Variants in CSMD2 observed in about 807,000 individuals in gnomAD.
CSMD2 encodes CUB and Sushi multiple domains 2.
In CSMD2, 130 loss-of-function variants were observed where a neutral mutation model predicts 398.5. The observed-to-expected ratio is 0.33, with a 90% confidence interval of 0.28 to 0.38. The LOEUF (loss-of-function observed/expected upper bound fraction) is 0.38, where lower values mean the gene tolerates loss of function less well. Ranked by LOEUF, CSMD2 falls within the 10% of genes least tolerant of loss-of-function variation. The probability of loss-of-function intolerance (pLI) is 1.00; values close to 1 mark genes in which losing one functional copy is unlikely to be tolerated. For missense variants in CSMD2, 3,829 were observed against 4,764.9 expected (o/e 0.80, Z 5.78); for synonymous variants, 1,828 against 1,908.5 (o/e 0.96, Z 1.10).
chr1:33,744,038 T>C (rs1378457087), intron 13 of CSMD2, among the ~76,000 whole-genome samples: 1 of 152,200 alleles, frequency 6.6e-6, no homozygotes, highest in Admixed American at 6.5e-5. Context: ...GTGGTTAACA[T>C]CTCTCCTTTG....
At chr1:34,113,871 C>A (rs1661342684) in intron 1 of CSMD2, among the ~76,000 whole-genome samples, 1 of 152,202 alleles carries the variant, frequency 6.6e-6, no homozygotes, top group African/African-American at 2.4e-5. Context: ...TTCAGTGAGA[C>A]TGAAGGAAAA....
chr1:33,703,839 G>A (rs566372009), intron 22 of CSMD2, among the ~76,000 whole-genome samples: 1 of 152,202 alleles, frequency 6.6e-6, no homozygotes, highest in South Asian at 2.1e-4. Flanking sequence ...GCTGATACTT[G>A]GTATTTTAGG....
intron 5 of CSMD2, among the ~76,000 whole-genome samples, chr1:33,917,541 G>T (rs1302824475): frequency 1.3e-5 from 2 of 152,174 alleles, no homozygotes; most frequent in Admixed American, 1.3e-4. Flanking sequence ...GACTCTCCAT[G>T]AAGCACACTA....
Position 33,820,517 on chromosome 1 carries a change from G to A in CSMD2, c.1151C>T (p.Pro384Leu), listed in dbSNP as rs1253134492. 11 of 1,587,498 alleles carry A rather than the reference G, an allele frequency of 6.9e-6. No individual in the cohort carries two copies. The highest frequency in any genetic ancestry group is 1.4e-5 in the African/African-American group (1 of 72,698). ...VGVSQGHNMC[P>L]DPGIPERGKR... ...GCCCCTTTCGGGTATGCCAGGGTCTGGACACATATTATGTCCTTGGGACAC... is the reference window on the plus strand; with the variant it reads ...GCCCCTTTCGGGTATGCCAGGGTCTAGACACATATTATGTCCTTGGGACAC... Residue 384 changes from proline to leucine, a missense_variant, in exon 8 of 71, where the codon CCA becomes CTA. Physicochemically the swap from Pro to Leu is moderately conservative, Grantham distance 98. This residue lies in a region of CSMD2 where 2,001 missense variants were observed against 2,567.1 expected (regional missense o/e 0.78). Coordinates refer to ENST00000373381, the MANE Select transcript of CSMD2 (RefSeq NM_001281956.2).
At chr1:34,020,130 G>A (rs1190981564) in intron 3 of CSMD2, among the ~76,000 whole-genome samples, 4 of 152,204 alleles carry the variant, frequency 2.6e-5, no homozygotes, top group Admixed American at 6.5e-5. Context: ...GTTATATACA[G>A]TGTGGTCAGA....
intron 2 of CSMD2, among the ~76,000 whole-genome samples, chr1:34,081,092 T>C (rs1032429599): frequency 2.0e-5 from 3 of 152,166 alleles, no homozygotes; most frequent in East Asian, 3.9e-4. Context: ...CTCAATAAAA[T>C]GGGTGATTTT....
Position 33,792,663 on chromosome 1 carries a change from A to G in CSMD2, c.1447-137T>C, listed in dbSNP as rs1048724108. The G allele has an allele frequency of 6.1e-6, 4 of 652,254 alleles. No homozygotes were observed. In the Admixed American group the frequency reaches 9.0e-5, roughly 15 times the overall value. The allele number at this position is 652,254 out of a possible 1,614,324, so 40.4% of individuals were successfully genotyped here. ...TGACACCATCCTAAACAAACTGACC[A>G]TTTCTGTCCCACTTTAATGAGTGTG... On this transcript the variant is annotated intron_variant, in intron 10 of 70. Transcript: ENST00000373381.
At position 34,165,009 on chromosome 1, in the gene CSMD2, G is replaced by C; in HGVS notation, c.89C>G (p.Pro30Arg). The C allele has an allele frequency of 3.3e-6, 4 of 1,208,390 alleles. No individual in the cohort carries two copies. The highest frequency in any genetic ancestry group is 4.1e-6 in the Non-Finnish European group (4 of 973,188). The allele number at this position is 1,208,390 out of a possible 1,614,324, so 74.9% of individuals were successfully genotyped here. The change falls in exon 1 of 71, where the codon CCG becomes CGG. Residue 30 changes from proline (P) to arginine (R), a missense_variant. Transcript: ENST00000373381. ...RGETGISALV[P>R]GAGSRWGRPP... ...GCGGCCCCAGCGGCTCCCGGCGCCCGGCACAAGCGCCGAAATCCCGGTTTC... is the reference window on the plus strand; with the variant it reads ...GCGGCCCCAGCGGCTCCCGGCGCCCCGCACAAGCGCCGAAATCCCGGTTTC...
At chr1:33,520,022 C>A in intron 68 of CSMD2, 72 bp from the exon 69 acceptor site, 1 of 1,558,112 alleles carries the variant, frequency 6.4e-7, no homozygotes, top group South Asian at 1.2e-5. Flanking sequence ...CCCTCCCCGA[C>A]TATACACTCT....
At chr1:34,093,855 T>C (rs1444523286) in intron 1 of CSMD2, among the ~76,000 whole-genome samples, 3 of 152,044 alleles carry the variant, frequency 2.0e-5, no homozygotes, top group South Asian at 2.1e-4. Context: ...TCCCGGAGAA[T>C]TTCCCCAATC....
chr1:34,024,733 C>CCTGCTGTT (rs1166836720), intron 3 of CSMD2, among the ~76,000 whole-genome samples: 1 of 152,184 alleles, frequency 6.6e-6, no homozygotes, highest in Non-Finnish European at 1.5e-5. Flanking sequence ...AGGGCATTGG[C>CCTGCTGTT]CTGCTGTTCT....
intron 28 of CSMD2, 120 bp from the exon 29 acceptor site, chr1:33,646,955 A>G: frequency 1.1e-6 from 1 of 935,232 alleles, no homozygotes; most frequent in African/African-American, 1.7e-5. Flanking sequence ...TCCCACTGGT[A>G]CCCAACCCCT....
At chr1:33,583,171 G>T (rs975630550) in intron 47 of CSMD2, among the ~76,000 whole-genome samples, 1 of 152,222 alleles carries the variant, frequency 6.6e-6, no homozygotes, top group Non-Finnish European at 1.5e-5. Flanking sequence ...GCTCCAGAGG[G>T]TAAGAGGTAA....
At chr1:33,756,336 T>C (rs1311630831) in intron 13 of CSMD2, among the ~76,000 whole-genome samples, 1 of 152,170 alleles carries the variant, frequency 6.6e-6, no homozygotes, top group East Asian at 1.9e-4. Context: ...CTGCTATGTG[T>C]CTGTCCCTAT....
chr1:34,059,658 T>C (rs1243546704), intron 2 of CSMD2, among the ~76,000 whole-genome samples: 1 of 152,204 alleles, frequency 6.6e-6, no homozygotes, highest in East Asian at 1.9e-4. Context: ...ACATATTATA[T>C]GGTCTCCCTC....
intron 13 of CSMD2, among the ~76,000 whole-genome samples, chr1:33,752,542 T>C (rs1365427763): frequency 6.6e-6 from 1 of 152,166 alleles, no homozygotes; most frequent in Non-Finnish European, 1.5e-5. Flanking sequence ...TCTTTATAAA[T>C]TACCCAGCTT....
chr1:33,761,170 T>C (rs1222375775), intron 13 of CSMD2, among the ~76,000 whole-genome samples: 2 of 152,074 alleles, frequency 1.3e-5, no homozygotes, highest in Non-Finnish European at 2.9e-5. Context: ...GAGTGTTGGA[T>C]ATTCTGTCAG....
intron 28 of CSMD2, among the ~76,000 whole-genome samples, chr1:33,648,236 C>T (rs1007144257): frequency 2.6e-5 from 4 of 151,984 alleles, no homozygotes; most frequent in Non-Finnish European, 4.4e-5. Flanking sequence ...GTGGTGGGCA[C>T]CTGTAGTCCC....
intron 24 of CSMD2, among the ~76,000 whole-genome samples, chr1:33,693,422 T>A (rs1355016139): frequency 6.6e-6 from 1 of 152,212 alleles, no homozygotes; most frequent in Non-Finnish European, 1.5e-5. Context: ...CCCACTGGGA[T>A]GTCTATAGTC....
Sources: allele counts gnomAD v4.1 joint callset (sites outside exome capture counted in the v4.1 genomes callset), GRCh38; gene constraint gnomAD v4.1.1; regional missense constraint gnomAD v4.1.1; transcripts MANE v1.5; gene names NCBI Gene and HGNC (gene_info 2026-07-23, HGNC 2026-07-21).